PDE3A: variants seen among roughly 807,000 people sequenced by gnomAD.
PDE3A encodes the protein cGMP-inhibited 3',5'-cyclic phosphodiesterase 3A.
Under a neutral mutation model 98.3 loss-of-function variants are expected in PDE3A, and 43 were observed. The observed-to-expected ratio is 0.44, with a 90% CI of 0.34 to 0.56. The LOEUF is 0.56. Among genes scored for constraint, PDE3A ranks in the 20% least tolerant of loss-of-function variants. PDE3A has a pLI of 0.01. For missense variants in PDE3A, 1,427 were observed against 1,440.7 expected, an observed-to-expected ratio of 0.99 and a Z score of 0.15; for synonymous variants, 663 against 567.9, an observed-to-expected ratio of 1.17 and a Z score of -2.38.
At chr12:20,510,974 T>TATCA (rs1300936196) in intron 1 of PDE3A, among the ~76,000 whole-genome samples, 1 of 152,064 alleles carries the variant, frequency 6.6e-6, no homozygotes, top group Non-Finnish European at 1.5e-5. Flanking sequence ...CAGTGGAGTC[T>TATCA]ATCAAACAAC....
intron 1 of PDE3A, among the ~76,000 whole-genome samples, chr12:20,470,776 C>T (rs998987955): frequency 1.1e-4 from 16 of 152,052 alleles, no homozygotes; most frequent in African/African-American, 3.9e-4. Context: ...GTCCTTTTCC[C>T]CCCAACCCGA....
Position 20,552,394 on chromosome 12 carries a change from C to T in PDE3A, c.961-4266C>T. 1.9e-6 allele frequency: 3 copies of T among 1,613,300 alleles called. No individual in the cohort carries two copies. The highest frequency in any genetic ancestry group is 2.5e-6 in the Non-Finnish European group (3 of 1,179,828). ...GCGGAGGGACGATGATGAGCCCGGC[C>T]CTTGGACGAAGGAGGGGAAGGACCG... On this transcript the variant is annotated intron_variant, in intron 1 of 15. Transcript: ENST00000359062. This position sits in a 1 kb window ranked among gnomAD's most constrained non-coding sequence, Gnocchi z 5.1.
At chr12:20,533,723 G>GCCC (rs776856900) in intron 1 of PDE3A, among the ~76,000 whole-genome samples, 18 of 147,500 alleles carry the variant, frequency 1.2e-4, no homozygotes, top group African/African-American at 4.5e-4. Flanking sequence ...CTCATGATCC[G>GCCC]CCCCGCCCCC....
intron 6 of PDE3A, among the ~76,000 whole-genome samples, chr12:20,630,457 T>C (rs1375277110): frequency 6.6e-6 from 1 of 152,228 alleles, no homozygotes; most frequent in Admixed American, 6.5e-5. Flanking sequence ...GTTGTAATTC[T>C]TCATTTTGTT....
At chr12:20,651,335 A>G (rs1944910979) in intron 14 of PDE3A, among the ~76,000 whole-genome samples, 1 of 152,196 alleles carries the variant, frequency 6.6e-6, no homozygotes, top group Non-Finnish European at 1.5e-5. Context: ...AGGAGCATGC[A>G]TAAAGGACAG....
At position 20,437,265 on chromosome 12, in the gene PDE3A, G is replaced by T. The variant is rs572617413; in HGVS notation, c.960+67021G>T. ...TATAAATTAGTTAAAAGTTTGTTATGGCCAGCATTTGGGAACCTGTGTTGC... is the reference window on the plus strand; with the variant it reads ...TATAAATTAGTTAAAAGTTTGTTATTGCCAGCATTTGGGAACCTGTGTTGC... On this transcript the variant is annotated intron_variant, in intron 1 of 15. Coordinates refer to ENST00000359062, the MANE Select transcript of PDE3A (RefSeq NM_000921.5). Among the ~76,000 whole-genome samples, 53 of 152,180 alleles carry T rather than the reference G, an allele frequency of 3.5e-4. No individual in the cohort carries two copies. The South Asian group carries it at 4.6e-3, about 13-fold the overall frequency.
chr12:20,609,436 C>A lies in PDE3A; in HGVS notation c.1012-4007C>A, dbSNP rs1052661565. Among the ~76,000 whole-genome samples the A allele has an allele frequency of 3.3e-5, 5 of 151,826 alleles. No homozygotes were observed. In the East Asian group the frequency reaches 9.6e-4, roughly 29 times the overall value. On this transcript the variant is annotated intron_variant, in intron 2 of 15. Coordinates refer to ENST00000359062, the MANE Select transcript of PDE3A (RefSeq NM_000921.5). Reference sequence around the variant, plus strand: ...ACACAGAAATATATAGAAAAATATTCCATTACTCAATCAGAAGTATTGTTA... The same window carrying A: ...ACACAGAAATATATAGAAAAATATTACATTACTCAATCAGAAGTATTGTTA...
chr12:20,541,787 C>T (rs1299835632), intron 1 of PDE3A, among the ~76,000 whole-genome samples: 1 of 152,044 alleles, frequency 6.6e-6, no homozygotes, highest in African/African-American at 2.4e-5. Context: ...TTCAACATAT[C>T]AAATGGGTCA....
At chr12:20,646,428 A>G (rs1944778601) in intron 10 of PDE3A, 62 bp from the exon 11 acceptor site, 3 of 897,064 alleles carry the variant, frequency 3.3e-6, no homozygotes, top group Admixed American at 1.7e-5. Context: ...AGTAGATGGC[A>G]CTCTTAGTTC....
intron 1 of PDE3A, among the ~76,000 whole-genome samples, chr12:20,389,981 A>G (rs892142797): frequency 3.3e-5 from 5 of 152,042 alleles, no homozygotes; most frequent in African/African-American, 1.2e-4. Context: ...GAATATTTCT[A>G]TATATTTCCC....
At chr12:20,455,134 G>T (rs187519337) in intron 1 of PDE3A, among the ~76,000 whole-genome samples, 2 of 152,182 alleles carry the variant, frequency 1.3e-5, no homozygotes, top group African/African-American at 4.8e-5. Flanking sequence ...GTTACTTTTT[G>T]ACTTTTTAAT....
Position 20,552,370 on chromosome 12 carries a change from C to A in PDE3A, c.961-4290C>A. 1 of 1,613,436 alleles carries A rather than the reference C, an allele frequency of 6.2e-7. No individual in the cohort carries two copies. Among genetic ancestry groups the A allele is most frequent in the Non-Finnish European group, 8.5e-7 (1 of 1,179,776 alleles). Reference sequence around the variant, plus strand: ...GTTTCTCGTGTGGCGCTACCTTCTGCGGAGGGACGATGATGAGCCCGGCCC... The same window carrying A: ...GTTTCTCGTGTGGCGCTACCTTCTGAGGAGGGACGATGATGAGCCCGGCCC... On this transcript the variant is annotated intron_variant, in intron 1 of 15. Transcript: ENST00000359062. The surrounding 1 kb of genome is among the most constrained non-coding windows in gnomAD (Gnocchi z 5.1).
At chr12:20,614,983 TTTTCTTTTCTTTTTTTC>T (rs1278049005) in intron 3 of PDE3A, among the ~76,000 whole-genome samples, 1 of 54,442 alleles carries the variant, frequency 1.8e-5, no homozygotes, top group Admixed American at 2.0e-4. Flanking sequence ...CGGTTTAACT[TTTTCTTTTCTTTTTTTC>T]TTTCTTTCTC....
rs1167562910 is a variant in PDE3A, at chr12:20,572,182, C to T, written c.1011+15472C>T. On this transcript the variant is annotated intron_variant, in intron 2 of 15. Transcript: ENST00000359062. ...TTCTACTGGGAAAAGGTATGAATAA[C>T]CTTTTTGTTCTATAATGATTTTCAA... 3.4e-5 allele frequency: 40 copies of T among 1,173,950 alleles called. No individual in the cohort carries two copies. In the Admixed American group the frequency reaches 9.7e-4, roughly 28 times the overall value. The allele number at this position is 1,173,950 out of a possible 1,614,324, so 72.7% of individuals were successfully genotyped here. A position where few individuals can be genotyped will look rare whatever the true frequency, so the allele number is the denominator to read the frequency against.
intron 1 of PDE3A, among the ~76,000 whole-genome samples, chr12:20,425,358 A>T (rs778959087): frequency 1.3e-5 from 2 of 152,150 alleles, no homozygotes; most frequent in Non-Finnish European, 2.9e-5. Context: ...AAGTCTCAAC[A>T]TGTGTCTCTT....
chr12:20,459,561 A>T (rs1043325223), intron 1 of PDE3A, among the ~76,000 whole-genome samples: 2 of 152,216 alleles, frequency 1.3e-5, no homozygotes, highest in Non-Finnish European at 2.9e-5. Flanking sequence ...AGAAAAAATA[A>T]TGTATAATTT....
chr12:20,611,831 A>G (rs951132302), intron 2 of PDE3A, among the ~76,000 whole-genome samples: 1 of 151,800 alleles, frequency 6.6e-6, no homozygotes, highest in Non-Finnish European at 1.5e-5. Context: ...CTAGACAATA[A>G]TTTATGAATC....
intron 1 of PDE3A, among the ~76,000 whole-genome samples, chr12:20,490,646 CA>C (rs1945811018): frequency 6.6e-6 from 1 of 152,140 alleles, no homozygotes; most frequent in Non-Finnish European, 1.5e-5. Flanking sequence ...CTATATTGAA[CA>C]TCAGCAATGT....
intron 6 of PDE3A, among the ~76,000 whole-genome samples, chr12:20,630,600 A>G (rs1000041314): frequency 4.6e-5 from 7 of 152,202 alleles, no homozygotes; most frequent in African/African-American, 1.4e-4. Flanking sequence ...CTGGACTCAA[A>G]TAGTTCTCTG....
Sources: gnomAD v4.1 joint callset for allele counts (sites outside exome capture counted in the v4.1 genomes callset) on GRCh38, gnomAD v4.1.1 for gene constraint, Gnocchi (gnomAD v3.1) non-coding constraint, MANE v1.5 for transcripts, NCBI Gene and HGNC (gene_info 2026-07-23, HGNC 2026-07-21) for gene names.